PDE12: variants seen among roughly 807,000 people sequenced by gnomAD.
PDE12 encodes 2',5'-phosphodiesterase 12.
In PDE12, 26 loss-of-function variants were observed where a neutral mutation model predicts 45.4. The observed-to-expected ratio is 0.57, with a 90% CI of 0.42 to 0.79. The LOEUF is 0.79. Ranked by LOEUF, PDE12 falls within the 30% of genes least tolerant of loss-of-function variation. The pLI is 0.00. For synonymous variants in PDE12, 283 were observed against 323.9 expected, an observed-to-expected ratio of 0.87 and a Z score of 1.36; for missense variants, 668 against 790.0, an observed-to-expected ratio of 0.85 and a Z score of 1.85.
chr3:57,603,177 A>AG, the PDE12 span, among the ~76,000 whole-genome samples: 6 of 151,950 alleles, frequency 3.9e-5, no homozygotes, highest in Non-Finnish European at 8.8e-5. Context: ...AAAAAAAAAA[A>AG]GGGGTTTCAA....
chr3:57,587,624 T>TGA, the PDE12 span, among the ~76,000 whole-genome samples: 2 of 152,186 alleles, frequency 1.3e-5, no homozygotes, highest in South Asian at 4.1e-4. Flanking sequence ...TTACATTTCC[T>TGA]GATGTATCTT....
the PDE12 span, among the ~76,000 whole-genome samples, chr3:57,624,764 A>G: frequency 1.3e-5 from 2 of 151,654 alleles, no homozygotes; most frequent in African/African-American, 4.9e-5. Flanking sequence ...ACTCCGTCTC[A>G]AGAAAAAAAA....
rs1461999840 is a variant in PDE12, at chr3:57,561,611, CTA to C, written c.*1609_*1610del. The C allele has an allele frequency of 2.0e-6, 2 of 985,148 alleles. No individual in the cohort carries two copies. Among genetic ancestry groups the C allele is most frequent in the Non-Finnish European group, 2.4e-6 (2 of 829,794 alleles). The allele number at this position is 985,148 out of a possible 1,614,324, so 61.0% of individuals were successfully genotyped here. On this transcript the variant is annotated 3_prime_UTR_variant, in exon 3 of 3. Transcript: ENST00000311180. ...GTTGCTTTTTTGATGTTCAGGATAA[CTA>C]TGTTATCTCATTTCTGCATTTAATT...
At position 57,557,086 on chromosome 3, in the gene PDE12, C is replaced by A. The variant is rs763381104; in HGVS notation, c.707C>A (p.Thr236Asn). ...TETDVEERVYTPSNADIGLRL... is the reference protein window; with the variant it reads ...TETDVEERVYNPSNADIGLRL... ...ACTGATGTGGAGGAGCGTGTCTACA[C>A]CCCGTCCAATGCCGACATCGGGCTA... Residue 236 changes from threonine to asparagine, a missense_variant, in exon 1 of 3, where the codon ACC (threonine) becomes AAC (asparagine). This residue lies in a region of PDE12 where 580 missense variants were observed against 662.9 expected (regional missense o/e 0.87). Transcript: ENST00000311180. The A allele has an allele frequency of 6.2e-7, 1 of 1,614,060 alleles. No individual in the cohort carries two copies. The highest frequency in any genetic ancestry group is 8.5e-7 in the Non-Finnish European group (1 of 1,180,030).
chr3:57,560,707 C>T lies in PDE12; in HGVS notation c.*703C>T, dbSNP rs1374059731. 34 of 983,680 alleles carry T rather than the reference C, an allele frequency of 3.5e-5. No individual in the cohort carries two copies. The highest frequency in any genetic ancestry group is 4.0e-5 in the Non-Finnish European group (33 of 828,218). The allele number at this position is 983,680 out of a possible 1,614,324, so 60.9% of individuals were successfully genotyped here. ...TACCATTTGAATGATCTTAATTTTTCTTTCATGACAACACATTCCAAAATG... is the reference window on the plus strand; with the variant it reads ...TACCATTTGAATGATCTTAATTTTTTTTTCATGACAACACATTCCAAAATG... On this transcript the variant is annotated 3_prime_UTR_variant, in exon 3 of 3. Transcript: ENST00000311180.
rs928929164 is a variant in PDE12 at position 57,564,085 on chromosome 3, A to G, written c.*4081A>G. ...ACTAACTTCAAAATAACCATACAGTACTGCTTGTAATTTTTGTATTTTTAG... is the reference window on the plus strand; with the variant it reads ...ACTAACTTCAAAATAACCATACAGTGCTGCTTGTAATTTTTGTATTTTTAG... On this transcript the variant is annotated 3_prime_UTR_variant, in exon 3 of 3. Transcript: ENST00000311180. 6.6e-6 allele frequency: 1 copy of G among 152,134 alleles called. No homozygotes were observed. Among genetic ancestry groups the G allele is most frequent in the African/African-American group, 2.4e-5 (1 of 41,442 alleles). 9.4% of individuals were successfully genotyped at this position (152,134 alleles called of 1,614,324 possible). A position where few individuals can be genotyped will look rare whatever the true frequency, so the allele number is the denominator to read the frequency against.
chr3:57,620,105 C>A, the PDE12 span, among the ~76,000 whole-genome samples: 1 of 151,992 alleles, frequency 6.6e-6, no homozygotes, highest in East Asian at 1.9e-4. Flanking sequence ...GCCTGTAATC[C>A]CAGCTACTCG....
At chr3:57,620,296 A>G in the PDE12 span, among the ~76,000 whole-genome samples, 1 of 152,104 alleles carries the variant, frequency 6.6e-6, no homozygotes, top group African/African-American at 2.4e-5. Context: ...CATGTCTGTA[A>G]TCCCAACTAC....
chr3:57,651,015 C>T, the PDE12 span, among the ~76,000 whole-genome samples: 3 of 152,122 alleles, frequency 2.0e-5, no homozygotes, highest in Non-Finnish European at 4.4e-5. Context: ...AACTCCCGAT[C>T]TCAGATGATC....
At chr3:57,608,181 A>C in the PDE12 span, among the ~76,000 whole-genome samples, 8 of 152,170 alleles carry the variant, frequency 5.3e-5, no homozygotes, top group Non-Finnish European at 1.2e-4. Context: ...ACAGACAAGC[A>C]AATGCTGAGA....
chr3:57,559,724 A>AT lies in PDE12; in HGVS notation c.1551dup (p.His518SerfsTer2). On this transcript the variant is annotated frameshift_variant, in exon 3 of 3. Transcript: ENST00000311180. LOFTEE classifies it high-confidence loss of function. ...GTCATCAATGGCAGCATTCCAGAGG[A>AT]TCATGAAGACTGGGCTTCCAATGGG... 6.2e-7 allele frequency: 1 copy of AT among 1,614,198 alleles called. No individual in the cohort carries two copies. The highest frequency in any genetic ancestry group is 8.5e-7 in the Non-Finnish European group (1 of 1,180,038).
In PDE12 at chr3:57,556,971, T is replaced by C. The variant is rs1001768305; in HGVS notation, c.592T>C (p.Tyr198His). 7 of 1,613,980 alleles carry C rather than the reference T, an allele frequency of 4.3e-6. No homozygotes were observed. In the African/African-American group the frequency reaches 8.0e-5, roughly 18 times the overall value. ...TCCCGCCAGCTCCCTTTTCCGCTGG[T>C]ATAAGGAAGCCAAGCCCGGAGCGGC... Reference protein sequence around the residue: ...GDPASSLFRWYKEAKPGAAEP... With the variant: ...GDPASSLFRWHKEAKPGAAEP... The change falls in exon 1 of 3, where the codon TAT becomes CAT. Residue 198 changes from tyrosine (Y) to histidine (H), a missense_variant. Around this residue, in one of 3 missense-constraint regions of PDE12, gnomAD observed 580 missense variants for 662.9 expected, o/e 0.87. Coordinates refer to ENST00000311180, the MANE Select transcript of PDE12 (RefSeq NM_177966.7). This position sits in a 1 kb window ranked among gnomAD's most constrained non-coding sequence, Gnocchi z 5.0.
the PDE12 span, among the ~76,000 whole-genome samples, chr3:57,655,641 G>A: frequency 6.6e-6 from 1 of 152,018 alleles, no homozygotes; most frequent in Non-Finnish European, 1.5e-5. Flanking sequence ...TTTAAATTAC[G>A]TTCAGGCTAT....
chr3:57,633,442 T>G, the PDE12 span: 1 of 1,046,830 alleles, frequency 9.6e-7, no homozygotes, highest in Admixed American at 2.3e-5. Flanking sequence ...TATGTAAATA[T>G]ACATTTATAC....
chr3:57,645,725 A>G, the PDE12 span: 1 of 1,613,514 alleles, frequency 6.2e-7, no homozygotes, highest in Non-Finnish European at 8.5e-7. Flanking sequence ...TAAGGTCGGA[A>G]ATCACTGAAG....
chr3:57,609,969 A>T, the PDE12 span, among the ~76,000 whole-genome samples: 3 of 152,150 alleles, frequency 2.0e-5, no homozygotes, highest in Non-Finnish European at 4.4e-5. Flanking sequence ...GATAAACATC[A>T]ATGCAAAAAT....
rs529715446 is a variant in PDE12 at position 57,560,300 on chromosome 3, G to C, written c.*296G>C. On this transcript the variant is annotated 3_prime_UTR_variant, in exon 3 of 3. Coordinates refer to ENST00000311180, the MANE Select transcript of PDE12 (RefSeq NM_177966.7). ...CTCAGAAAAGGAAGATTGAATTAGC[G>C]TGTTTTTTGTTTGTTTGTTTTTGTT... is the stretch of plus-strand genomic sequence containing the variant. 3 of 1,144,116 alleles carry C rather than the reference G, an allele frequency of 2.6e-6. No homozygotes were observed. The highest frequency in any genetic ancestry group is 1.6e-5 in the African/African-American group (1 of 61,302). 70.9% of individuals were successfully genotyped at this position (1,144,116 alleles called of 1,614,324 possible).
the PDE12 span, among the ~76,000 whole-genome samples, chr3:57,573,939 T>TTTTG: frequency 2.7e-5 from 4 of 150,564 alleles, no homozygotes; most frequent in East Asian, 2.0e-4. Flanking sequence ...GGTTGTTTTT[T>TTTTG]TTTGTTTGTT....
the PDE12 span, among the ~76,000 whole-genome samples, chr3:57,607,333 C>T: frequency 5.9e-5 from 9 of 152,216 alleles, no homozygotes; most frequent in South Asian, 4.2e-4. Flanking sequence ...AATCAGAGCG[C>T]GTCTCCCCCT....
Sources: allele counts gnomAD v4.1 joint callset (sites outside exome capture counted in the v4.1 genomes callset), GRCh38; gene constraint gnomAD v4.1.1; regional missense constraint gnomAD v4.1.1; non-coding constraint Gnocchi (gnomAD v3.1); transcripts MANE v1.5; gene names NCBI Gene and HGNC (gene_info 2026-07-23, HGNC 2026-07-21).